Variants in CLEC2B observed in about 807,000 individuals in gnomAD.
CLEC2B encodes C-type (calcium dependent, carbohydrate-recognition domain) lectin, superfamily member 2 (activation-induced).
A neutral mutation model predicts 16.2 loss-of-function variants in CLEC2B; 14 were observed. That is an observed-to-expected ratio of 0.86 (90% confidence interval 0.57 to 1.35). The LOEUF (loss-of-function observed/expected upper bound fraction) is 1.35. Ranked by LOEUF, CLEC2B falls within the 40% of genes most tolerant of loss-of-function variation. The pLI is 0.00. For synonymous variants in CLEC2B, 42 were observed against 55.8 expected (o/e 0.75, Z 1.10); for missense variants, 166 against 182.3 (o/e 0.91, Z 0.52).
chr12:9,865,756 CA>C (rs1232991493), intron 1 of CLEC2B, among the ~76,000 whole-genome samples: 1 of 151,860 alleles, frequency 6.6e-6, no homozygotes, highest in African/African-American at 2.4e-5. Context: ...CATTGTAGGC[CA>C]AAAAACAAGT....
At chr12:9,865,180 C>CAAA (rs56774558) in intron 1 of CLEC2B, among the ~76,000 whole-genome samples, 64 of 99,042 alleles carry the variant, frequency 6.5e-4, no homozygotes, top group African/African-American at 1.1e-3. Flanking sequence ...AAGACTCTCT[C>CAAA]AAAAAAAAAA....
chr12:9,863,460 C>CA (rs1183322007), intron 1 of CLEC2B, among the ~76,000 whole-genome samples: 1 of 152,094 alleles, frequency 6.6e-6, no homozygotes, highest in Non-Finnish European at 1.5e-5. Context: ...AAGTCGGAAT[C>CA]AGAGACAGAT....
At chr12:9,857,071 T>C (rs1462730041) in intron 3 of CLEC2B, 1 of 168,420 alleles carries the variant, frequency 5.9e-6, no homozygotes, top group Non-Finnish European at 1.3e-5. Flanking sequence ...TAATGGAAGC[T>C]GCCACGGGAC....
chr12:9,862,022 T>C (rs1346574098), intron 2 of CLEC2B, among the ~76,000 whole-genome samples: 3 of 152,060 alleles, frequency 2.0e-5, no homozygotes, highest in African/African-American at 7.2e-5. Context: ...TTTTCCATAA[T>C]AGTGAGTTAA....
chr12:9,854,243 C>T, intron 4 of CLEC2B, 138 bp downstream of exon 4: 1 of 548,740 alleles, frequency 1.8e-6, no homozygotes, highest in Non-Finnish European at 3.2e-6. Context: ...ACATGAATCT[C>T]AATATATATT....
intron 3 of CLEC2B, among the ~76,000 whole-genome samples, chr12:9,855,203 C>G (rs148504700): frequency 6.6e-6 from 1 of 152,132 alleles, no homozygotes; most frequent in East Asian, 1.9e-4. Context: ...CTCTACTTTT[C>G]AATTTAAGAG....
chr12:9,858,169 G>T lies in CLEC2B; in HGVS notation c.74-532C>A, dbSNP rs145494009. On this transcript the variant is annotated intron_variant, in intron 2 of 4. Coordinates refer to ENST00000228438, the MANE Select transcript of CLEC2B (RefSeq NM_005127.3). Reference sequence around the variant, plus strand: ...TTTGGAAGGTGGAAGTAAAGCAGAAGATATAATTCCTGGAGACCATGAGCA... The same window carrying T: ...TTTGGAAGGTGGAAGTAAAGCAGAATATATAATTCCTGGAGACCATGAGCA... Among the ~76,000 whole-genome samples the T allele has an allele frequency of 2.6e-5, 4 of 152,176 alleles. No homozygotes were observed. The South Asian group carries it at 6.2e-4, about 24-fold the overall frequency.
chr12:9,865,813 G>A (rs779201573), intron 1 of CLEC2B, among the ~76,000 whole-genome samples: 3 of 152,126 alleles, frequency 2.0e-5, no homozygotes, highest in Non-Finnish European at 4.4e-5. Flanking sequence ...TATCTTTTCT[G>A]ACCACAATGG....
chr12:9,865,143 A>G (rs1403629732), intron 1 of CLEC2B, among the ~76,000 whole-genome samples: 1 of 141,416 alleles, frequency 7.1e-6, no homozygotes, highest in Non-Finnish European at 1.5e-5. Context: ...AGATCATGCC[A>G]CTCCACTCCA....
chr12:9,858,552 T>G (rs1176819437), intron 2 of CLEC2B, among the ~76,000 whole-genome samples: 2 of 151,994 alleles, frequency 1.3e-5, no homozygotes, highest in East Asian at 3.8e-4. Context: ...TTAAAGGCAT[T>G]GATCCAACTA....
intron 1 of CLEC2B, among the ~76,000 whole-genome samples, chr12:9,865,143 ACT>A (rs1390150337): frequency 2.8e-5 from 4 of 141,416 alleles, no homozygotes; most frequent in African/African-American, 1.1e-4. Flanking sequence ...AGATCATGCC[ACT>A]CCACTCCAGC....
At chr12:9,864,732 C>G (rs1035923594) in intron 1 of CLEC2B, among the ~76,000 whole-genome samples, 16 of 151,512 alleles carry the variant, frequency 1.1e-4, no homozygotes, top group Middle Eastern at 3.4e-3. Context: ...TAATATATAC[C>G]ACCAGAGAAA....
Position 9,854,437 on chromosome 12 carries a change from C to T in CLEC2B, c.285G>A (p.Leu95=). 1 of 1,613,690 alleles carries T rather than the reference C, an allele frequency of 6.2e-7. No individual in the cohort carries two copies. Among genetic ancestry groups the T allele is most frequent in the Admixed American group, 1.7e-5 (1 of 60,004 alleles). Reference sequence around the variant, plus strand: ...GTCCTGTTCGATTTTTTGCCATCTTCAGTCCAATCCAGTGATCAGAACTGC... The same window carrying T: ...GTCCTGTTCGATTTTTTGCCATCTTTAGTCCAATCCAGTGATCAGAACTGC... ...YKCSSDHWIG[L]KMAKNRTGQW... The change falls in exon 4 of 5, where the codon CTG becomes CTA. Residue 95 remains leucine, a synonymous_variant. Coordinates refer to ENST00000228438, the MANE Select transcript of CLEC2B (RefSeq NM_005127.3).
intron 2 of CLEC2B, among the ~76,000 whole-genome samples, chr12:9,859,417 A>G (rs1867917191): frequency 6.6e-6 from 1 of 151,946 alleles, no homozygotes; most frequent in African/African-American, 2.4e-5. Context: ...TGTAACTGTG[A>G]GAGATAAAAA....
intron 2 of CLEC2B, among the ~76,000 whole-genome samples, chr12:9,862,059 T>A (rs1379562230): frequency 6.6e-6 from 1 of 152,034 alleles, no homozygotes; most frequent in African/African-American, 2.4e-5. Flanking sequence ...ATGATGACAT[T>A]GAAAAATCAC....
In CLEC2B at chr12:9,853,108, A is replaced by AGAGAGAGAGAGAGAGAGAG. The variant is rs1591767550; in HGVS notation, c.*191_*192insCTCTCTCTCTCTCTCTCTC. ...AAGAGAGAGAGAGAAAGAAAGAAAG[A>AGAGAGAGAGAGAGAGAGAG]AAAAAACTCAGCAGAATACCTGTAA... On this transcript the variant is annotated 3_prime_UTR_variant, in exon 5 of 5. Coordinates refer to ENST00000228438, the MANE Select transcript of CLEC2B (RefSeq NM_005127.3). 6.1e-6 allele frequency: 3 copies of AGAGAGAGAGAGAGAGAGAG among 491,630 alleles called. No individual in the cohort carries two copies. Among genetic ancestry groups the AGAGAGAGAGAGAGAGAGAG allele is most frequent in the African/African-American group, 5.9e-5 (3 of 51,274 alleles). 30.5% of individuals were successfully genotyped at this position (491,630 alleles called of 1,614,324 possible).
Position 9,853,083 on chromosome 12 carries a change from A to AAGAAAGAAAGAAAGAGAAAGAAAGAG in CLEC2B, c.*216_*217insCTCTTTCTTTCTCTTTCTTTCTTTCT. The stretch of plus-strand genomic sequence containing the variant: ...AAAGAAAGAAAGAAAGAAAGAAAGA[A>AAGAAAGAAAGAAAGAGAAAGAAAGAG]AGAGAGAGAGAGAAAGAAAGAAAGA... On this transcript the variant is annotated 3_prime_UTR_variant, in exon 5 of 5. Transcript: ENST00000228438. 4.5e-3 allele frequency: 1,491 copies of AAGAAAGAAAGAAAGAGAAAGAAAGAG among 329,664 alleles called. 150 individuals carry two copies. The highest frequency in any genetic ancestry group is 0.035 in the African/African-American group (1,232 of 35,154). 20.4% of individuals were successfully genotyped at this position (329,664 alleles called of 1,614,324 possible).
At chr12:9,861,613 C>G (rs1488800161) in intron 2 of CLEC2B, among the ~76,000 whole-genome samples, 1 of 151,922 alleles carries the variant, frequency 6.6e-6, no homozygotes, top group Non-Finnish European at 1.5e-5. Context: ...TCACAACCAC[C>G]CAATTTGCAA....
chr12:9,864,747 TATA>T (rs1867958392), intron 1 of CLEC2B, among the ~76,000 whole-genome samples: 1 of 151,830 alleles, frequency 6.6e-6, no homozygotes, highest in Non-Finnish European at 1.5e-5. Context: ...GAGAAAATTA[TATA>T]ACCCCAAAGA....
Sources: gnomAD v4.1 joint callset for allele counts (sites outside exome capture counted in the v4.1 genomes callset) on GRCh38, gnomAD v4.1.1 for gene constraint, MANE v1.5 for transcripts, NCBI Gene and HGNC (gene_info 2026-07-23, HGNC 2026-07-21) for gene names.